The following EFHD1 variants were observed in gnomAD, a reference collection of about 807,000 sequenced individuals.
EFHD1 encodes the protein EF-hand domain-containing protein D1.
A neutral mutation model predicts 17.2 loss-of-function variants in EFHD1; 10 were observed. That is an observed-to-expected ratio of 0.58 (90% CI 0.36 to 0.99). The LOEUF is 0.99. Ranked by LOEUF, EFHD1 falls within the 50% of genes least tolerant of loss-of-function variation. The pLI, the probability that EFHD1 is intolerant of heterozygous loss-of-function variation, is 0.01. For missense variants in EFHD1, 310 were observed against 327.5 expected, an observed-to-expected ratio of 0.95 and a Z score of 0.41; for synonymous variants, 153 against 142.0, an observed-to-expected ratio of 1.08 and a Z score of -0.55.
intron 1 of EFHD1, among the ~76,000 whole-genome samples, chr2:232,650,291 C>CTT (rs869070386): frequency 3.1e-4 from 39 of 126,732 alleles, no homozygotes; most frequent in African/African-American, 8.6e-4. Context: ...TCTGGGTTGC[C>CTT]TTTTTTTTTT....
chr2:232,634,604 A>C (rs1350430151), intron 1 of EFHD1, among the ~76,000 whole-genome samples: 1 of 152,054 alleles, frequency 6.6e-6, no homozygotes, highest in African/African-American at 2.4e-5. Flanking sequence ...TGGGAACCGA[A>C]CTTGGCCGCT....
At chr2:232,664,041 C>T (rs1244506853) in intron 2 of EFHD1, among the ~76,000 whole-genome samples, 1 of 152,016 alleles carries the variant, frequency 6.6e-6, no homozygotes, top group African/African-American at 2.4e-5. Context: ...ATTCTCCTGC[C>T]TCTGACTCCC....
chr2:232,630,246 G>C (rs776629230), upstream of EFHD1, among the ~76,000 whole-genome samples: 7 of 152,156 alleles, frequency 4.6e-5, no homozygotes, highest in Admixed American at 4.6e-4. Context: ...CACCACAGCC[G>C]GCCCAGCAAG....
At chr2:232,659,949 G>A (rs1694826884) in intron 1 of EFHD1, among the ~76,000 whole-genome samples, 1 of 152,162 alleles carries the variant, frequency 6.6e-6, no homozygotes, top group South Asian at 2.1e-4. Context: ...TGAACAACCA[G>A]GTCTTGCAAG....
intron 1 of EFHD1, among the ~76,000 whole-genome samples, chr2:232,617,280 A>G (rs1476102740): frequency 2.6e-5 from 4 of 152,196 alleles, no homozygotes; most frequent in Admixed American, 6.6e-5. Flanking sequence ...CTTTACTGCA[A>G]TGTACGTACT....
intron 1 of EFHD1, among the ~76,000 whole-genome samples, chr2:232,650,864 T>C (rs1694639648): frequency 1.3e-5 from 2 of 151,992 alleles, no homozygotes; most frequent in South Asian, 4.1e-4. Flanking sequence ...CCACCACACC[T>C]GGTCTATTCT....
At chr2:232,655,553 TG>T (rs1361888503) in intron 1 of EFHD1, among the ~76,000 whole-genome samples, 1 of 152,242 alleles carries the variant, frequency 6.6e-6, no homozygotes, top group Non-Finnish European at 1.5e-5. Context: ...TAACTTTGAC[TG>T]GGACTCCGTG....
At chr2:232,626,714 TA>T (rs1392123262) in intron 1 of EFHD1, among the ~76,000 whole-genome samples, 2 of 152,200 alleles carry the variant, frequency 1.3e-5, no homozygotes, top group Admixed American at 6.5e-5. Flanking sequence ...TGAGCTGAAC[TA>T]GCTCCCCTTT....
At chr2:232,668,584 G>A (rs1287943775) in intron 2 of EFHD1, among the ~76,000 whole-genome samples, 1 of 152,144 alleles carries the variant, frequency 6.6e-6, no homozygotes, top group Non-Finnish European at 1.5e-5. Context: ...GGCACTGGCT[G>A]GGGGTGGTGC....
At chr2:232,634,879 G>A (rs1161420051) in intron 1 of EFHD1, among the ~76,000 whole-genome samples, 1 of 152,250 alleles carries the variant, frequency 6.6e-6, no homozygotes, top group African/African-American at 2.4e-5. Context: ...AGCCGAGACC[G>A]GAAAAATGCC....
chr2:232,658,407 C>T (rs1559351447), intron 1 of EFHD1, among the ~76,000 whole-genome samples: 2 of 152,004 alleles, frequency 1.3e-5, no homozygotes, highest in Non-Finnish European at 2.9e-5. Context: ...TGCTAGAGGG[C>T]GTTGCTCACC....
intron 1 of EFHD1, among the ~76,000 whole-genome samples, chr2:232,616,238 C>T (rs1016758462): frequency 1.3e-5 from 2 of 152,088 alleles, no homozygotes; most frequent in Admixed American, 6.6e-5. Context: ...GTGGATGAAC[C>T]TTGAGACATG....
intron 2 of EFHD1, among the ~76,000 whole-genome samples, chr2:232,665,140 G>A (rs1412530900): frequency 6.6e-6 from 1 of 152,094 alleles, no homozygotes; most frequent in Non-Finnish European, 1.5e-5. Context: ...CTCACCAATA[G>A]TCCAAGAATG....
chr2:232,658,553 A>C (rs997836516), intron 1 of EFHD1, among the ~76,000 whole-genome samples: 3 of 152,176 alleles, frequency 2.0e-5, no homozygotes, highest in Admixed American at 6.5e-5. Flanking sequence ...ATGTCCAAAC[A>C]CTTGTATATG....
chr2:232,650,383 C>T (rs1390826239), intron 1 of EFHD1, among the ~76,000 whole-genome samples: 1 of 150,126 alleles, frequency 6.7e-6, no homozygotes, highest in African/African-American at 2.5e-5. Flanking sequence ...CAATCTCCGC[C>T]TCCCAGGTCC....
At chr2:232,662,632 T>G (rs1192105309) in intron 1 of EFHD1, 170 bp from the exon 2 acceptor site, 1 of 775,906 alleles carries the variant, frequency 1.3e-6, no homozygotes, top group Non-Finnish European at 1.9e-6. Context: ...TACAAAGCCC[T>G]GAAGCGCTCT....
upstream of EFHD1, among the ~76,000 whole-genome samples, chr2:232,632,903 T>C (rs1055080372): frequency 2.0e-5 from 3 of 152,254 alleles, no homozygotes; most frequent in Admixed American, 1.3e-4. Flanking sequence ...ATTGCGGATG[T>C]GAGTCTCCGC....
upstream of EFHD1, among the ~76,000 whole-genome samples, chr2:232,632,910 CCG>C (rs1256014155): frequency 6.6e-6 from 1 of 152,258 alleles, no homozygotes; most frequent in African/African-American, 2.4e-5. Flanking sequence ...ATGTGAGTCT[CCG>C]CGCCAGGTTT....
At chr2:232,660,357 G>A (rs1357281867) in intron 1 of EFHD1, among the ~76,000 whole-genome samples, 2 of 151,648 alleles carry the variant, frequency 1.3e-5, no homozygotes, top group East Asian at 2.0e-4. Context: ...ACCACGCCCG[G>A]CTCATTTTTT....
Sources: gnomAD v4.1 joint callset for allele counts (sites outside exome capture counted in the v4.1 genomes callset) on GRCh38, gnomAD v4.1.1 for gene constraint, MANE v1.5 for transcripts, NCBI Gene and HGNC (gene_info 2026-07-23, HGNC 2026-07-21) for gene names.